RTL6: variants seen among roughly 807,000 people sequenced by gnomAD.
The protein encoded by RTL6 is retrotransposon Gag-like protein 6.
RTL6 carries 9 observed loss-of-function variants against 12.4 expected under a neutral mutation model. The observed-to-expected ratio is 0.73, with a 90% confidence interval of 0.44 to 1.27. The LOEUF is 1.27. Ranked by LOEUF, RTL6 falls within the 50% of genes most tolerant of loss-of-function variation. The pLI, the probability that RTL6 is intolerant of heterozygous loss-of-function variation, is 0.00. For missense variants in RTL6, 291 were observed against 330.7 expected (o/e 0.88, Z 0.93); for synonymous variants, 160 against 142.8 (o/e 1.12, Z -0.86).
chr22:44,497,672 C>A lies in RTL6; in HGVS notation c.-116G>T, dbSNP rs575468369. 3 of 1,387,758 alleles carry A rather than the reference C, an allele frequency of 2.2e-6. No individual in the cohort carries two copies. In the South Asian group the frequency reaches 4.4e-5, roughly 20 times the overall value. The allele number at this position is 1,387,758 out of a possible 1,614,324, so 86.0% of individuals were successfully genotyped here. ...TGGGGTGCACGACGGCAGGGCGCTG[C>A]GAGACCCCCAAGCCGAGGGCCCGAG... is the stretch of plus-strand genomic sequence containing the variant. On this transcript the variant is annotated 5_prime_UTR_variant, in exon 2 of 2. Transcript: ENST00000341255.
At position 44,494,103 on chromosome 22, in the gene RTL6, G is replaced by T. The variant is rs1429782827; in HGVS notation, c.*2734C>A. The T allele has an allele frequency of 6.6e-6, 1 of 152,176 alleles. No individual in the cohort carries two copies. The highest frequency in any genetic ancestry group is 2.4e-5 in the African/African-American group (1 of 41,434). 9.4% of individuals were successfully genotyped at this position (152,176 alleles called of 1,614,324 possible). A position where few individuals can be genotyped will look rare whatever the true frequency, so the allele number is the denominator to read the frequency against. ...CAGTGATACCCTGGTATGCACTGAA[G>T]CCTACTTACCAAAGGGGTACCATGT... On this transcript the variant is annotated 3_prime_UTR_variant, in exon 2 of 2. Transcript: ENST00000341255.
In RTL6 at chr22:44,495,141, T is replaced by C. The variant is rs995487169; in HGVS notation, c.*1696A>G. 6.5e-6 allele frequency: 1 copy of C among 152,692 alleles called. No individual in the cohort carries two copies. Among genetic ancestry groups the C allele is most frequent in the African/African-American group, 2.4e-5 (1 of 41,446 alleles). The allele number at this position is 152,692 out of a possible 1,614,324, so 9.5% of individuals were successfully genotyped here. On this transcript the variant is annotated 3_prime_UTR_variant, in exon 2 of 2. Transcript: ENST00000341255. Reference sequence around the variant, plus strand: ...TTCAGGCAGTTGTTCAGCAGGGCAATTGGGCTAACAGAGTTGATGGTGAGT... The same window carrying C: ...TTCAGGCAGTTGTTCAGCAGGGCAACTGGGCTAACAGAGTTGATGGTGAGT...
intron 1 of RTL6, 81 bp from the exon 2 acceptor site, chr22:44,497,892 G>A (rs1924502266): frequency 8.6e-6 from 2 of 232,520 alleles, no homozygotes; most frequent in South Asian, 7.7e-5. Flanking sequence ...TGGAGGGCCC[G>A]CGCGTGGGTG....
At position 44,495,658 on chromosome 22, in the gene RTL6, G is replaced by GAC. The variant is rs1924423409; in HGVS notation, c.*1177_*1178dup. The GAC allele has an allele frequency of 8.7e-6, 1 of 115,186 alleles. No individual in the cohort carries two copies. Among genetic ancestry groups the GAC allele is most frequent in the African/African-American group, 3.4e-5 (1 of 29,004 alleles). The allele number at this position is 115,186 out of a possible 1,614,324, so 7.1% of individuals were successfully genotyped here. ...GACCCTGGCTGGGTTGCCAGAGGCA[G>GAC]ACACCCCCCCCGGCCTTAAGTGCTT... On this transcript the variant is annotated 3_prime_UTR_variant, in exon 2 of 2. Transcript: ENST00000341255.
chr22:44,495,125 T>C lies in RTL6; in HGVS notation c.*1712A>G, dbSNP rs949367226. The C allele has an allele frequency of 2.0e-5, 3 of 152,690 alleles. No homozygotes were observed. The highest frequency in any genetic ancestry group is 4.4e-5 in the Non-Finnish European group (3 of 68,066). 9.5% of individuals were successfully genotyped at this position (152,690 alleles called of 1,614,324 possible). On this transcript the variant is annotated 3_prime_UTR_variant, in exon 2 of 2. Transcript: ENST00000341255. Reference sequence around the variant, plus strand: ...GAACCTAAAGCCTGTATTCAGGCAGTTGTTCAGCAGGGCAATTGGGCTAAC... The same window carrying C: ...GAACCTAAAGCCTGTATTCAGGCAGCTGTTCAGCAGGGCAATTGGGCTAAC...
Position 44,493,332 on chromosome 22 carries a change from TAG to T in RTL6, c.*3503_*3504del, listed in dbSNP as rs746588560. The T allele has an allele frequency of 1.3e-5, 2 of 152,198 alleles. No homozygotes were observed. The highest frequency in any genetic ancestry group is 2.9e-5 in the Non-Finnish European group (2 of 68,048). 9.4% of individuals were successfully genotyped at this position (152,198 alleles called of 1,614,324 possible). A position where few individuals can be genotyped will look rare whatever the true frequency, so the allele number is the denominator to read the frequency against. On this transcript the variant is annotated 3_prime_UTR_variant, in exon 2 of 2. Coordinates refer to ENST00000341255, the MANE Select transcript of RTL6 (RefSeq NM_032287.3). Reference sequence around the variant, plus strand: ...TTACATGGGTAATGAGAAGACCTAGTAGGTTTGGTGCTTGTGTATGCAAAGGC... The same window carrying T: ...TTACATGGGTAATGAGAAGACCTAGTGTTTGGTGCTTGTGTATGCAAAGGC...
chr22:44,496,856 G>A lies in RTL6; in HGVS notation c.701C>T (p.Ala234Val). Residue 234 changes from alanine (A) to valine (V), a missense_variant, in exon 2 of 2, where the codon GCC (alanine) becomes GTC (valine). Ala to Val is a moderately conservative substitution (Grantham distance 64, BLOSUM62 0). This residue lies in a region of RTL6 where 132 missense variants were observed against 163.9 expected (regional missense o/e 0.81). Coordinates refer to ENST00000341255, the MANE Select transcript of RTL6 (RefSeq NM_032287.3). Reference sequence around the variant, plus strand: ...GGATTCTTAAAGATTCCGTGCTCGGGCAGGCAGGGCTGGCGCTGGACTAGT... The same window carrying A: ...GGATTCTTAAAGATTCCGTGCTCGGACAGGCAGGGCTGGCGCTGGACTAGT... ...NGTSPAPALP[A>V]RARNL 1 of 1,561,498 alleles carries A rather than the reference G, an allele frequency of 6.4e-7. No homozygotes were observed.
In RTL6 at chr22:44,496,862, A is replaced by C. The variant is rs145376916; in HGVS notation, c.695T>G (p.Leu232Arg). 6.4e-7 allele frequency: 1 copy of C among 1,566,312 alleles called. No homozygotes were observed. The highest frequency in any genetic ancestry group is 1.4e-5 in the African/African-American group (1 of 73,284). Reference protein sequence around the residue: ...ASNGTSPAPALPARARNL With the variant: ...ASNGTSPAPARPARARNL ...TTAAAGATTCCGTGCTCGGGCAGGC[A>C]GGGCTGGCGCTGGACTAGTCCCGTT... The change falls in exon 2 of 2, where the codon CTG (leucine) becomes CGG (arginine). Residue 232 changes from leucine (L) to arginine (R), a missense_variant. Leu to Arg is a moderately radical substitution (Grantham distance 102). Transcript: ENST00000341255.
In RTL6 at chr22:44,497,035, C is replaced by T. The variant is rs771332168; in HGVS notation, c.522G>A (p.Arg174=). The part of the protein sequence containing the change: ...NNYQGFLAEL[R]RTYKSPLRHA... ...GCCGGAGCGGAGACTTGTAGGTTCT[C>T]CGCAACTCTGCCAGGAACCCCTGAT... is the stretch of plus-strand genomic sequence containing the variant. The change falls in exon 2 of 2, where the codon CGG becomes CGA. Residue 174 remains arginine, a synonymous_variant. Coordinates refer to ENST00000341255, the MANE Select transcript of RTL6 (RefSeq NM_032287.3). 4 of 1,614,054 alleles carry T rather than the reference C, an allele frequency of 2.5e-6. No individual in the cohort carries two copies. Among genetic ancestry groups the T allele is most frequent in the South Asian group, 1.1e-5 (1 of 91,080 alleles).
chr22:44,496,072 G>C lies in RTL6; in HGVS notation c.*765C>G, dbSNP rs1213577246. 6.6e-6 allele frequency: 1 copy of C among 152,338 alleles called. No individual in the cohort carries two copies. The highest frequency in any genetic ancestry group is 1.5e-5 in the Non-Finnish European group (1 of 68,150). The allele number at this position is 152,338 out of a possible 1,614,324, so 9.4% of individuals were successfully genotyped here. Reference sequence around the variant, plus strand: ...TGAGAGTCCACCACGACCTTATTTAGCAGGCAAGTTCCAGATTCCCCAAGC... The same window carrying C: ...TGAGAGTCCACCACGACCTTATTTACCAGGCAAGTTCCAGATTCCCCAAGC... On this transcript the variant is annotated 3_prime_UTR_variant, in exon 2 of 2. Coordinates refer to ENST00000341255, the MANE Select transcript of RTL6 (RefSeq NM_032287.3).
At position 44,497,670 on chromosome 22, in the gene RTL6, T is replaced by C. The variant is rs1055674954; in HGVS notation, c.-114A>G. On this transcript the variant is annotated 5_prime_UTR_variant, in exon 2 of 2. Transcript: ENST00000341255. ...TGTGGGGTGCACGACGGCAGGGCGC[T>C]GCGAGACCCCCAAGCCGAGGGCCCG... 7 of 1,394,106 alleles carry C rather than the reference T, an allele frequency of 5.0e-6. No individual in the cohort carries two copies. Among genetic ancestry groups the C allele is most frequent in the African/African-American group, 2.9e-5 (2 of 68,906 alleles). 86.4% of individuals were successfully genotyped at this position (1,394,106 alleles called of 1,614,324 possible). A position where few individuals can be genotyped will look rare whatever the true frequency, so the allele number is the denominator to read the frequency against.
Position 44,496,621 on chromosome 22 carries a change from T to A in RTL6, c.*216A>T. The A allele has an allele frequency of 1.6e-6, 1 of 607,078 alleles. No homozygotes were observed. 37.6% of individuals were successfully genotyped at this position (607,078 alleles called of 1,614,324 possible). On this transcript the variant is annotated 3_prime_UTR_variant, in exon 2 of 2. Coordinates refer to ENST00000341255, the MANE Select transcript of RTL6 (RefSeq NM_032287.3). ...AGGGAGGCGAGCATGCAGTGAGCGATAGGTACAAAGCTAGCACGTAAGAGG... is the reference window on the plus strand; with the variant it reads ...AGGGAGGCGAGCATGCAGTGAGCGAAAGGTACAAAGCTAGCACGTAAGAGG...
chr22:44,497,926 GCGCCCGCCCCGCGCC>G, intron 1 of RTL6, 103 bp downstream of exon 1: 1 of 176,504 alleles, frequency 5.7e-6, no homozygotes, highest in South Asian at 1.5e-4. Context: ...AAGCCCCGCG[GCGCCCGCCCCGCGCC>G]CGCCCGGGGG....
Position 44,497,331 on chromosome 22 carries a change from C to A in RTL6, c.226G>T (p.Ala76Ser). The change falls in exon 2 of 2, where the codon GCT becomes TCT. Residue 76 changes from alanine (A) to serine (S), a missense_variant. Physicochemically the swap from Ala to Ser is moderately conservative, Grantham distance 99 (BLOSUM62 1). Coordinates refer to ENST00000341255, the MANE Select transcript of RTL6 (RefSeq NM_032287.3). ...GAGATGGGCGGGGTGATCTGCAGAG[C>A]CCCCGGGATCCGCGCCCTGGTGCGT... is the stretch of plus-strand genomic sequence containing the variant. ...LLRTRARIPG[A>S]LQITPPISSI... 6.2e-7 allele frequency: 1 copy of A among 1,612,904 alleles called. No individual in the cohort carries two copies. Among genetic ancestry groups the A allele is most frequent in the Non-Finnish European group, 8.5e-7 (1 of 1,179,084 alleles).
At position 44,498,189 on chromosome 22, in the gene RTL6, G is replaced by C. The variant is rs1924513600; in HGVS notation, c.-401C>G. 1 of 152,008 alleles carries C rather than the reference G, an allele frequency of 6.6e-6. No individual in the cohort carries two copies. The allele number at this position is 152,008 out of a possible 1,614,324, so 9.4% of individuals were successfully genotyped here. A position where few individuals can be genotyped will look rare whatever the true frequency, so the allele number is the denominator to read the frequency against. ...TCAGCGCAGCCAAGCGACGGCGCTG[G>C]CGATGGCGGCGGGCGGCCTCCGGCA... On this transcript the variant is annotated 5_prime_UTR_variant, in exon 1 of 2. Coordinates refer to ENST00000341255, the MANE Select transcript of RTL6 (RefSeq NM_032287.3).
chr22:44,497,006 G>T lies in RTL6; in HGVS notation c.551C>A (p.Ala184Glu), dbSNP rs1180889355. The T allele has an allele frequency of 1.2e-6, 2 of 1,613,976 alleles. No homozygotes were observed. The highest frequency in any genetic ancestry group is 1.7e-6 in the Non-Finnish European group (2 of 1,179,958). Residue 184 changes from alanine (A) to glutamate (E), a missense_variant, in exon 2 of 2, where the codon GCG (alanine) becomes GAG (glutamate). Ala to Glu is a moderately radical substitution (Grantham distance 107, BLOSUM62 -1). This residue lies in a region of RTL6 where 132 missense variants were observed against 163.9 expected (regional missense o/e 0.81). Transcript: ENST00000341255. Reference sequence around the variant, plus strand: ...AGTCTTCCTGATTTGGGCGCGCCGCGCATGCCGGAGCGGAGACTTGTAGGT... The same window carrying T: ...AGTCTTCCTGATTTGGGCGCGCCGCTCATGCCGGAGCGGAGACTTGTAGGT... ...RRTYKSPLRHARRAQIRKTSA... is the reference protein window; with the variant it reads ...RRTYKSPLRHERRAQIRKTSA...
In RTL6 at chr22:44,496,685, C is replaced by T. The variant is rs1476226118; in HGVS notation, c.*152G>A. On this transcript the variant is annotated 3_prime_UTR_variant, in exon 2 of 2. Transcript: ENST00000341255. ...TGGGCAACCAGGGCGCCAGGAAGGA[C>T]GGAAGGAAGATCTCCTCGGGGAACA... is the stretch of plus-strand genomic sequence containing the variant. The T allele has an allele frequency of 1.0e-6, 1 of 994,776 alleles. No individual in the cohort carries two copies. The highest frequency in any genetic ancestry group is 1.5e-6 in the Non-Finnish European group (1 of 679,404). 61.6% of individuals were successfully genotyped at this position (994,776 alleles called of 1,614,324 possible).
Position 44,497,361 on chromosome 22 carries a change from A to G in RTL6, c.196T>C (p.Leu66=). The change falls in exon 2 of 2, where the codon TTG becomes CTG. Residue 66 remains leucine (L), a synonymous_variant. Transcript: ENST00000341255. ...GGGATCCGCGCCCTGGTGCGTAACAAGGTCAGCTCTGCCATCACGCTCTCC... is the reference window on the plus strand; with the variant it reads ...GGGATCCGCGCCCTGGTGCGTAACAGGGTCAGCTCTGCCATCACGCTCTCC... ...MLESVMAELT[L]LRTRARIPGA... 6.2e-7 allele frequency: 1 copy of G among 1,612,742 alleles called. No individual in the cohort carries two copies.
chr22:44,496,693 A>G lies in RTL6; in HGVS notation c.*144T>C. 1.9e-6 allele frequency: 2 copies of G among 1,045,084 alleles called. No individual in the cohort carries two copies. Among genetic ancestry groups the G allele is most frequent in the Non-Finnish European group, 2.8e-6 (2 of 724,624 alleles). 64.7% of individuals were successfully genotyped at this position (1,045,084 alleles called of 1,614,324 possible). On this transcript the variant is annotated 3_prime_UTR_variant, in exon 2 of 2. Transcript: ENST00000341255. ...CAGGGCGCCAGGAAGGACGGAAGGA[A>G]GATCTCCTCGGGGAACACGTCTGGA...
Sources: allele counts gnomAD v4.1 joint callset, GRCh38; gene constraint gnomAD v4.1.1; regional missense constraint gnomAD v4.1.1; transcripts MANE v1.5; gene names NCBI Gene and HGNC (gene_info 2026-07-23, HGNC 2026-07-21).